The following TIAM1 variants were observed in gnomAD, a reference collection of about 807,000 sequenced individuals.
TIAM1 encodes the protein TIAM Rac1 associated GEF 1.
In TIAM1, 65 loss-of-function variants were observed where a neutral mutation model predicts 163.5. The observed-to-expected ratio is 0.40, with a 90% CI of 0.33 to 0.49. TIAM1 has a LOEUF of 0.49. TIAM1 is among the 20% of genes least tolerant of loss of function. TIAM1 has a pLI of 0.77. For missense variants in TIAM1, 1,789 were observed against 2,044.7 expected, an observed-to-expected ratio of 0.87 and a Z score of 2.41; for synonymous variants, 833 against 810.1, an observed-to-expected ratio of 1.03 and a Z score of -0.48.
intron 1 of TIAM1, among the ~76,000 whole-genome samples, chr21:31,489,511 G>GAGGGAAGGA: frequency 8.3e-6 from 1 of 120,548 alleles, no homozygotes; most frequent in Non-Finnish European, 1.7e-5. Context: ...GGGAGACAGG[G>GAGGGAAGGA]AGGGAAGGAA....
chr21:31,135,761 C>G (rs967863821), intron 23 of TIAM1, among the ~76,000 whole-genome samples, 172 bp downstream of exon 23: 1 of 152,138 alleles, frequency 6.6e-6, no homozygotes, highest in South Asian at 2.1e-4. Flanking sequence ...CAATTTAACT[C>G]GAAGGTTTCA....
intron 2 of TIAM1, among the ~76,000 whole-genome samples, chr21:31,319,748 C>G (rs1371127778): frequency 6.8e-6 from 1 of 147,764 alleles, no homozygotes; most frequent in Non-Finnish European, 1.5e-5. Flanking sequence ...CCACCACACT[C>G]CAGCCTGGGT....
Position 31,173,532 on chromosome 21 carries a change from A to AAGAGAGAGAGAG in TIAM1, c.2888-8479_2888-8468dup, listed in dbSNP as rs57981769. On this transcript the variant is annotated intron_variant, in intron 15 of 27. Coordinates refer to ENST00000541036, the MANE Select transcript of TIAM1 (RefSeq NM_001353694.2). ...CAAGAAAGAAAGAGAGAGCGAGAGA[A>AAGAGAGAGAGAG]AGAGAGAGAGAGAGAGAGAGAAAAG... is the stretch of plus-strand genomic sequence containing the variant. Among the ~76,000 whole-genome samples the AAGAGAGAGAGAG allele has an allele frequency of 2.0e-5, 3 of 148,000 alleles. No homozygotes were observed. In the East Asian group the frequency reaches 6.0e-4, roughly 30 times the overall value.
intron 6 of TIAM1, among the ~76,000 whole-genome samples, chr21:31,228,233 A>T (rs1569068671): frequency 4.2e-4 from 13 of 31,296 alleles, no homozygotes; most frequent in East Asian, 8.7e-4. Context: ...AAAAAAAAAA[A>T]AAAAAAAAAA....
Position 31,182,558 on chromosome 21 carries a change from T to G in TIAM1, c.2750A>C (p.Gln917Pro). The G allele has an allele frequency of 3.1e-6, 5 of 1,614,082 alleles. No individual in the cohort carries two copies. The highest frequency in any genetic ancestry group is 4.2e-6 in the Non-Finnish European group (5 of 1,179,986). The part of the protein sequence containing the change: ...NSSMLKDFLS[Q>P]PSLGLLVRTY... ...CCTCACCAGGAGGCCCAGCGAGGGC[T>G]GTGAGAGGAAATCTTTGAGCATAGA... The change falls in exon 15 of 28, where the codon CAG (glutamine) becomes CCG (proline). Residue 917 changes from glutamine to proline, a missense_variant. Around this residue, in one of 5 missense-constraint regions of TIAM1, gnomAD observed 303 missense variants for 321.3 expected, o/e 0.94. Transcript: ENST00000541036.
chr21:31,458,616 C>T (rs73360932), intron 2 of TIAM1, among the ~76,000 whole-genome samples: 9 of 152,260 alleles, frequency 5.9e-5, no homozygotes, highest in Non-Finnish European at 8.8e-5. Context: ...ACAGCACCTG[C>T]GCTGATTTAG....
At chr21:31,556,459 T>A (rs1181332187) in intron 1 of TIAM1, among the ~76,000 whole-genome samples, 1 of 152,162 alleles carries the variant, frequency 6.6e-6, no homozygotes, top group East Asian at 1.9e-4. Context: ...CAAAGGCCCC[T>A]GGGGCCTACA....
intron 2 of TIAM1, among the ~76,000 whole-genome samples, chr21:31,394,728 T>TCTCTCTCTCACACACA (rs1279053911): frequency 6.3e-5 from 6 of 95,704 alleles, no homozygotes; most frequent in South Asian, 4.1e-4. Flanking sequence ...TCTCTCTCTC[T>TCTCTCTCTCACACACA]CACACACACA....
At chr21:31,194,218 C>T (rs1386485033) in intron 13 of TIAM1, among the ~76,000 whole-genome samples, 1 of 151,968 alleles carries the variant, frequency 6.6e-6, no homozygotes, top group African/African-American at 2.4e-5. Context: ...AGACAACGAA[C>T]CGTGGGTATT....
At chr21:31,453,420 G>C (rs888482041) in intron 2 of TIAM1, among the ~76,000 whole-genome samples, 14 of 152,102 alleles carry the variant, frequency 9.2e-5, no homozygotes, top group Non-Finnish European at 1.8e-4. Context: ...GAAACCAGGG[G>C]GCAGGGCATG....
Position 31,251,815 on chromosome 21 carries a change from C to T in TIAM1, c.1338G>A (p.Leu446=). ...KAGALAVKNF[L]VHKKNKKVES... is the part of the protein sequence containing the mutation. ...CCACCTTCTTGTTCTTCTTGTGCAC[C>T]AGGAAGTTCTTGACGGCCAGGGCGC... Residue 446 remains leucine (L), a synonymous_variant, in exon 5 of 28, where the codon CTG becomes CTA. Transcript: ENST00000541036. The T allele has an allele frequency of 6.2e-7, 1 of 1,613,106 alleles. No individual in the cohort carries two copies. The highest frequency in any genetic ancestry group is 8.5e-7 in the Non-Finnish European group (1 of 1,179,322).
rs141677639 is a variant in TIAM1, at chr21:31,182,464, G to A, written c.2844C>T (p.Ala948=). The A allele has an allele frequency of 3.6e-4, 584 of 1,606,882 alleles. 7 individuals carry two copies. The Admixed American group carries it at 9.2e-3, about 25-fold the overall frequency. ...ESPPHRVDGP[A]DLGESPLAFL... ...AGGCGAGGGGGCTCTCGCCAAGGTC[G>A]GCAGGGCCGTCCACTCGGTGGGGCG... Residue 948 remains alanine, a synonymous_variant, in exon 15 of 28, where the codon GCC becomes GCT. Coordinates refer to ENST00000541036, the MANE Select transcript of TIAM1 (RefSeq NM_001353694.2).
Position 31,120,513 on chromosome 21 carries a change from TC to T in TIAM1, c.4630del (p.Asp1544IlefsTer44). 6.2e-7 allele frequency: 1 copy of T among 1,614,212 alleles called. No homozygotes were observed. The highest frequency in any genetic ancestry group is 8.5e-7 in the Non-Finnish European group (1 of 1,180,044). ...SQRERGRKTL[D>X]SHASRMAQLK... ...CTGTGCCATGCGGGACGCGTGACTA[TC>T]CAGGGTTTTCCGGCCTCTTTCCCGC... On this transcript the variant is annotated frameshift_variant, in exon 28 of 28. Coordinates refer to ENST00000541036, the MANE Select transcript of TIAM1 (RefSeq NM_001353694.2). LOFTEE classifies it high-confidence loss of function. The surrounding 1 kb of genome is among the most constrained non-coding windows in gnomAD (Gnocchi z 4.2).
intron 2 of TIAM1, among the ~76,000 whole-genome samples, chr21:31,325,998 C>T (rs549454089): frequency 1.2e-4 from 19 of 152,268 alleles, no homozygotes; most frequent in South Asian, 1.0e-3. Context: ...GCAAACCAAC[C>T]GTGTTTCTCA....
intron 3 of TIAM1, among the ~76,000 whole-genome samples, chr21:31,268,467 C>A (rs943858968): frequency 6.6e-6 from 1 of 152,212 alleles, no homozygotes; most frequent in African/African-American, 2.4e-5. Flanking sequence ...AGCACATCTT[C>A]ACTGAAATAA....
chr21:31,232,382 CTAT>C (rs1306245146), intron 6 of TIAM1, among the ~76,000 whole-genome samples: 3 of 152,166 alleles, frequency 2.0e-5, no homozygotes, highest in Non-Finnish European at 4.4e-5. Context: ...CTACCATTCT[CTAT>C]CATGAAGCCA....
chr21:31,540,841 TGAAAAGTAAAG>T (rs1569422256), intron 1 of TIAM1, among the ~76,000 whole-genome samples: 1 of 152,136 alleles, frequency 6.6e-6, no homozygotes, highest in African/African-American at 2.4e-5. Flanking sequence ...AAAGTCTACC[TGAAAAGTAAAG>T]AAATGGAGAA....
chr21:31,452,885 G>T, intron 2 of TIAM1: 1 of 516,222 alleles, frequency 1.9e-6, no homozygotes. Context: ...AGTCTTTTTG[G>T]TATGACGATG....
At chr21:31,257,805 G>A (rs1052510658) in intron 4 of TIAM1, among the ~76,000 whole-genome samples, 1 of 152,044 alleles carries the variant, frequency 6.6e-6, no homozygotes, top group African/African-American at 2.4e-5. Flanking sequence ...TCACTCCCAA[G>A]AATACTCACG....
Sources: allele counts gnomAD v4.1 joint callset (sites outside exome capture counted in the v4.1 genomes callset), GRCh38; gene constraint gnomAD v4.1.1; regional missense constraint gnomAD v4.1.1; non-coding constraint Gnocchi (gnomAD v3.1); transcripts MANE v1.5; gene names NCBI Gene and HGNC (gene_info 2026-07-23, HGNC 2026-07-21).